The following M1AP variants were observed in gnomAD, a reference collection of about 807,000 sequenced individuals.
M1AP encodes meiosis 1 arrest protein.
In M1AP, 39 loss-of-function variants were observed where a neutral mutation model predicts 51.2. The ratio of observed to expected loss-of-function variants is 0.76; its 90% CI spans 0.59 to 1.00. M1AP has a LOEUF of 1.00. Ranked by LOEUF, M1AP falls within the 50% of genes least tolerant of loss-of-function variation. The probability of loss-of-function intolerance (pLI) is 0.00; values close to 1 mark genes in which losing one functional copy is unlikely to be tolerated. For synonymous variants in M1AP, 251 were observed against 249.2 expected (o/e 1.01, Z -0.07); for missense variants, 545 against 641.2 (o/e 0.85, Z 1.62).
rs1677647841 is a variant in M1AP, at chr2:74,558,353, C to T, written c.*363G>A. 5.1e-6 allele frequency: 1 copy of T among 196,736 alleles called. No homozygotes were observed. Among genetic ancestry groups the T allele is most frequent in the Admixed American group, 6.4e-5 (1 of 15,742 alleles). 12.2% of individuals were successfully genotyped at this position (196,736 alleles called of 1,614,324 possible). ...TCCTTGTTCCTGAGGTCCAGTTTAC[C>T]AAAGGTGATCTGACCTCATCCACCT... On this transcript the variant is annotated 3_prime_UTR_variant, in exon 11 of 11. Transcript: ENST00000421985.
chr2:74,630,777 T>C (rs933202402), intron 2 of M1AP, among the ~76,000 whole-genome samples: 3 of 152,326 alleles, frequency 2.0e-5, no homozygotes, highest in East Asian at 1.9e-4. Flanking sequence ...CTATTGTGAA[T>C]AGTGCTGCAG....
intron 1 of M1AP, among the ~76,000 whole-genome samples, 177 bp from the exon 2 acceptor site, chr2:74,640,504 A>T (rs1054448012): frequency 6.8e-6 from 1 of 147,650 alleles, no homozygotes; most frequent in African/African-American, 2.5e-5. Context: ...GTATGTCACC[A>T]GGCTGGAGCG....
chr2:74,598,805 A>G (rs963280338), intron 4 of M1AP, among the ~76,000 whole-genome samples: 2 of 151,534 alleles, frequency 1.3e-5, no homozygotes, highest in African/African-American at 2.4e-5. Context: ...TATTTTTTGT[A>G]GAGATGAGGT....
At chr2:74,602,374 A>G (rs1371397843) in intron 4 of M1AP, among the ~76,000 whole-genome samples, 4 of 152,226 alleles carry the variant, frequency 2.6e-5, no homozygotes, top group African/African-American at 9.6e-5. Flanking sequence ...CAAATCTCAG[A>G]AATATAACAA....
intron 4 of M1AP, among the ~76,000 whole-genome samples, chr2:74,589,353 A>G (rs1679905452): frequency 6.6e-6 from 1 of 152,228 alleles, no homozygotes; most frequent in Admixed American, 6.5e-5. Context: ...TGGCACACTC[A>G]TGTATCAACA....
chr2:74,631,531 GTGAT>G (rs1457405244), intron 2 of M1AP, among the ~76,000 whole-genome samples: 2 of 152,012 alleles, frequency 1.3e-5, no homozygotes, highest in African/African-American at 4.8e-5. Flanking sequence ...TCACCTTGAA[GTGAT>G]TCCATTTGAA....
At chr2:74,618,942 C>T in intron 2 of M1AP, 2 of 534,850 alleles carry the variant, frequency 3.7e-6, no homozygotes, top group Non-Finnish European at 7.7e-6. Flanking sequence ...ATTTCCTCTG[C>T]CACTCTTGTG....
At chr2:74,579,612 A>G (rs1443431380) in intron 5 of M1AP, among the ~76,000 whole-genome samples, 3 of 151,882 alleles carry the variant, frequency 2.0e-5, no homozygotes, top group African/African-American at 7.3e-5. Flanking sequence ...TGATTCTAAG[A>G]CACATTTTTT....
At chr2:74,562,152 C>T in intron 8 of M1AP, 65 bp downstream of exon 8, 1 of 1,544,460 alleles carries the variant, frequency 6.5e-7, no homozygotes, top group Non-Finnish European at 8.7e-7. Context: ...CACTCCTCTC[C>T]CTCATCCCTT....
At chr2:74,602,393 T>C (rs1434109112) in intron 4 of M1AP, among the ~76,000 whole-genome samples, 3 of 152,148 alleles carry the variant, frequency 2.0e-5, no homozygotes, top group African/African-American at 7.2e-5. Context: ...AAACCATCCA[T>C]ATACAAAAAT....
intron 2 of M1AP, among the ~76,000 whole-genome samples, chr2:74,633,586 A>G (rs1261141244): frequency 2.6e-5 from 4 of 152,108 alleles, no homozygotes; most frequent in Non-Finnish European, 5.9e-5. Context: ...CATATTCAGA[A>G]TTGAGCCCAA....
intron 4 of M1AP, among the ~76,000 whole-genome samples, chr2:74,591,442 T>C (rs1183816539): frequency 6.6e-6 from 1 of 152,160 alleles, no homozygotes; most frequent in Non-Finnish European, 1.5e-5. Context: ...ATATATTCTA[T>C]AAACCAAAAA....
intron 4 of M1AP, among the ~76,000 whole-genome samples, chr2:74,603,467 T>TGTC (rs1411182825): frequency 6.6e-6 from 1 of 152,210 alleles, no homozygotes; most frequent in African/African-American, 2.4e-5. Context: ...CCACAAGTGA[T>TGTC]GTCGTTGTTC....
chr2:74,578,662 A>G (rs1368074387), intron 5 of M1AP, among the ~76,000 whole-genome samples: 1 of 152,136 alleles, frequency 6.6e-6, no homozygotes, highest in Non-Finnish European at 1.5e-5. Context: ...AAAGAAACTC[A>G]TGTGTAACTC....
rs534159370 is a variant in M1AP at position 74,611,211 on chromosome 2, T to A, written c.426+3753A>T. ...CCTTGTAGAATGAGTCTGGAAGAAT[T>A]CTCTCCACTTCAAGTTTGTAGAGTA... On this transcript the variant is annotated intron_variant, in intron 3 of 10. Coordinates refer to ENST00000421985, the MANE Select transcript of M1AP (RefSeq NM_001321739.2). 4.6e-5 allele frequency among the ~76,000 whole-genome samples: 7 copies of A among 152,316 alleles called. No homozygotes were observed. In the South Asian group the frequency reaches 1.4e-3, roughly 32 times the overall value.
intron 2 of M1AP, among the ~76,000 whole-genome samples, chr2:74,622,107 G>C (rs1055837326): frequency 6.6e-6 from 1 of 150,972 alleles, no homozygotes; most frequent in African/African-American, 2.4e-5. Flanking sequence ...GCCACACAGT[G>C]GGACTCCATC....
intron 7 of M1AP, among the ~76,000 whole-genome samples, chr2:74,570,270 C>T (rs1006821057): frequency 1.3e-5 from 2 of 152,084 alleles, no homozygotes; most frequent in Non-Finnish European, 1.5e-5. Flanking sequence ...CCAGGATTTT[C>T]CTGGACAACA....
At chr2:74,643,101 A>AT (rs539576662) in intron 1 of M1AP, among the ~76,000 whole-genome samples, 46 of 151,966 alleles carry the variant, frequency 3.0e-4, no homozygotes, top group African/African-American at 1.0e-3. Context: ...AACTTTTTGG[A>AT]TTTTTTTTGT....
intron 4 of M1AP, among the ~76,000 whole-genome samples, chr2:74,587,551 C>T (rs746148554): frequency 3.3e-5 from 5 of 152,154 alleles, no homozygotes; most frequent in African/African-American, 9.7e-5. Context: ...TTTCTACCCC[C>T]GACTACCATA....
Sources: gnomAD v4.1 joint callset for allele counts (sites outside exome capture counted in the v4.1 genomes callset) on GRCh38, gnomAD v4.1.1 for gene constraint, MANE v1.5 for transcripts, NCBI Gene and HGNC (gene_info 2026-07-23, HGNC 2026-07-21) for gene names.